Variants in PLEK observed in about 807,000 individuals in gnomAD.
The protein encoded by PLEK is platelet 47 kDa protein.
Under a neutral mutation model 43.9 loss-of-function variants are expected in PLEK, and 25 were observed. The ratio of observed to expected loss-of-function variants is 0.57; its 90% confidence interval spans 0.41 to 0.79. The LOEUF is 0.79. Ranked by LOEUF, PLEK falls within the 30% of genes least tolerant of loss-of-function variation. The probability of loss-of-function intolerance (pLI) is 0.00; values close to 1 mark genes in which losing one functional copy is unlikely to be tolerated. For missense variants in PLEK, 396 were observed against 413.3 expected (o/e 0.96, Z 0.36); for synonymous variants, 152 against 144.4 (o/e 1.05, Z -0.38).
intron 6 of PLEK, among the ~76,000 whole-genome samples, chr2:68,388,803 G>T (rs988360869): frequency 1.3e-5 from 2 of 152,024 alleles, no homozygotes; most frequent in Non-Finnish European, 2.9e-5. Context: ...CCATCCAAAA[G>T]ACAAAGCTGT....
At chr2:68,368,921 T>C (rs902338820) in intron 1 of PLEK, among the ~76,000 whole-genome samples, 2 of 151,788 alleles carry the variant, frequency 1.3e-5, no homozygotes, top group East Asian at 1.9e-4. Flanking sequence ...ATCAGGGTGA[T>C]GGGAAAGGGA....
chr2:68,392,110 T>C (rs1673871104), intron 6 of PLEK, among the ~76,000 whole-genome samples: 1 of 149,058 alleles, frequency 6.7e-6, no homozygotes, highest in Non-Finnish European at 1.5e-5. Context: ...TCTTTCTTCT[T>C]CTTCTTTCTT....
intron 1 of PLEK, among the ~76,000 whole-genome samples, chr2:68,376,061 A>G (rs1673494780): frequency 6.6e-6 from 1 of 152,126 alleles, no homozygotes. Flanking sequence ...ATTCATATTC[A>G]GATAAAATCT....
intron 3 of PLEK, 104 bp from the exon 4 acceptor site, chr2:68,382,438 G>A (rs112467405): frequency 1.5e-6 from 1 of 673,790 alleles, no homozygotes; most frequent in South Asian, 1.8e-5. Flanking sequence ...GGGGGAGCTT[G>A]TGCTCACCTC....
intron 1 of PLEK, among the ~76,000 whole-genome samples, chr2:68,376,196 A>G (rs1370332710): frequency 6.6e-6 from 1 of 152,156 alleles, no homozygotes; most frequent in African/African-American, 2.4e-5. Flanking sequence ...AGCATCCACT[A>G]CTACTCAGTC....
At chr2:68,370,677 G>A (rs984313851) in intron 1 of PLEK, among the ~76,000 whole-genome samples, 7 of 152,126 alleles carry the variant, frequency 4.6e-5, no homozygotes, top group African/African-American at 1.4e-4. Context: ...GAAGAGATGG[G>A]GTTTCACCAT....
intron 1 of PLEK, among the ~76,000 whole-genome samples, chr2:68,373,586 TAA>T (rs60078267): frequency 0.021 from 3,011 of 144,772 alleles, 95 homozygotes; most frequent in African/African-American, 0.069. Flanking sequence ...ATAAAGAAAA[TAA>T]AAAAAAAAAA....
At chr2:68,386,470 G>C (rs754319998) in intron 4 of PLEK, 32 bp from the exon 5 acceptor site, 1 of 1,579,912 alleles carries the variant, frequency 6.3e-7, no homozygotes. Flanking sequence ...TCGGTAAGGA[G>C]AGTTAACCTT....
intron 1 of PLEK, among the ~76,000 whole-genome samples, chr2:68,376,622 T>G (rs73932641): frequency 0.02 from 3,117 of 152,306 alleles, 80 homozygotes; most frequent in African/African-American, 0.063. Flanking sequence ...TTTTAATTTT[T>G]AAAATTTAAA....
At chr2:68,392,312 T>C (rs1355626130) in intron 6 of PLEK, among the ~76,000 whole-genome samples, 2 of 151,642 alleles carry the variant, frequency 1.3e-5, no homozygotes, top group East Asian at 3.8e-4. Context: ...TATGCCTGGA[T>C]TATTGTGATC....
chr2:68,365,916 T>C (rs1316671728), intron 1 of PLEK, among the ~76,000 whole-genome samples: 1 of 152,218 alleles, frequency 6.6e-6, no homozygotes, highest in Non-Finnish European at 1.5e-5. Context: ...TTTTTTTAAT[T>C]GGGCTGAAAT....
intron 6 of PLEK, 124 bp from the exon 7 acceptor site, chr2:68,393,038 G>C (rs1673890820): frequency 2.7e-6 from 2 of 734,892 alleles, no homozygotes; most frequent in Non-Finnish European, 5.0e-6. Context: ...TGTTATCCTG[G>C]AGTTAGTATT....
intron 5 of PLEK, 30 bp downstream of exon 5, chr2:68,386,716 G>A (rs1246135885): frequency 1.9e-6 from 3 of 1,555,140 alleles, no homozygotes; most frequent in Middle Eastern, 1.7e-4. Context: ...TCTTCTTCCT[G>A]TAAGGGAGGC....
At chr2:68,393,295 T>A (rs948581399) in intron 7 of PLEK, 50 bp downstream of exon 7, 18 of 1,201,462 alleles carry the variant, frequency 1.5e-5, no homozygotes, top group Non-Finnish European at 1.7e-5. Context: ...ATCCACTGCA[T>A]TTATAATCTG....
chr2:68,382,710 TG>T, intron 4 of PLEK, 77 bp downstream of exon 4: 2 of 815,658 alleles, frequency 2.5e-6, no homozygotes, highest in Non-Finnish European at 2.1e-6. Context: ...GTCTGTGAGG[TG>T]GGGGTATGAA....
chr2:68,375,369 A>G (rs954536776), intron 1 of PLEK, among the ~76,000 whole-genome samples: 3 of 152,178 alleles, frequency 2.0e-5, no homozygotes, highest in Admixed American at 1.3e-4. Context: ...CTCATTTAAA[A>G]ATAGGATTAT....
Position 68,397,239 on chromosome 2 carries a change from C to T in PLEK, c.*1423C>T, listed in dbSNP as rs1372244002. ...CTCATTTTATCAAATCCTCTCTTGC[C>T]CTCCCTCAATTCCCCTGTAACATTC... On this transcript the variant is annotated 3_prime_UTR_variant, in exon 9 of 9. Transcript: ENST00000234313. 6.6e-6 allele frequency: 1 copy of T among 152,128 alleles called. No individual in the cohort carries two copies. The allele number at this position is 152,128 out of a possible 1,614,324, so 9.4% of individuals were successfully genotyped here.
chr2:68,391,720 T>C (rs1387432943), intron 6 of PLEK, among the ~76,000 whole-genome samples: 8 of 152,200 alleles, frequency 5.3e-5, no homozygotes, highest in Admixed American at 4.6e-4. Context: ...ACAAGTAAAA[T>C]GAAAAATGTT....
At chr2:68,384,788 A>G (rs1673703860) in intron 4 of PLEK, among the ~76,000 whole-genome samples, 1 of 152,208 alleles carries the variant, frequency 6.6e-6, no homozygotes, top group African/African-American at 2.4e-5. Flanking sequence ...AGCCCAGAGC[A>G]GTTGTAACTT....
Sources: gnomAD v4.1 joint callset for allele counts (sites outside exome capture counted in the v4.1 genomes callset) on GRCh38, gnomAD v4.1.1 for gene constraint, MANE v1.5 for transcripts, NCBI Gene and HGNC (gene_info 2026-07-23, HGNC 2026-07-21) for gene names.